Variants in GABRG3 observed in about 807,000 individuals in gnomAD.
The protein encoded by GABRG3 is gamma-aminobutyric acid type A receptor subunit gamma3.
In GABRG3, 25 loss-of-function variants were observed where a neutral mutation model predicts 48.8. The observed-to-expected ratio is 0.51, with a 90% CI of 0.37 to 0.72. GABRG3 has a LOEUF of 0.72. Among genes scored for constraint, GABRG3 ranks in the 30% least tolerant of loss-of-function variants. The pLI, the probability that GABRG3 is intolerant of heterozygous loss-of-function variation, is 0.00. For missense variants in GABRG3, 394 were observed against 577.9 expected, an observed-to-expected ratio of 0.68 and a Z score of 3.26; for synonymous variants, 227 against 217.6, an observed-to-expected ratio of 1.04 and a Z score of -0.38.
At chr15:27,054,010 C>T (rs952772135) in intron 3 of GABRG3, among the ~76,000 whole-genome samples, 7 of 152,254 alleles carry the variant, frequency 4.6e-5, no homozygotes, top group African/African-American at 1.4e-4. Flanking sequence ...GCCTCTAATC[C>T]CTGCACTTTG....
At chr15:27,466,049 T>C (rs529786532) in intron 5 of GABRG3, among the ~76,000 whole-genome samples, 1 of 152,300 alleles carries the variant, frequency 6.6e-6, no homozygotes, top group African/African-American at 2.4e-5. Flanking sequence ...AAGAAGGAGC[T>C]GAGGCTAAAC....
intron 3 of GABRG3, among the ~76,000 whole-genome samples, chr15:27,171,885 C>T (rs960136438): frequency 2.0e-5 from 3 of 152,128 alleles, no homozygotes; most frequent in African/African-American, 7.2e-5. Context: ...TAAAGAAAAG[C>T]TGTCTATTTG....
chr15:26,983,962 T>A (rs1453163369), intron 2 of GABRG3, among the ~76,000 whole-genome samples: 3 of 152,120 alleles, frequency 2.0e-5, no homozygotes, highest in African/African-American at 7.2e-5. Context: ...TGGCCCGTTT[T>A]TCCCCCGTCT....
At chr15:27,318,442 C>T (rs537665755) in intron 3 of GABRG3, among the ~76,000 whole-genome samples, 19 of 152,170 alleles carry the variant, frequency 1.2e-4, no homozygotes, top group Non-Finnish European at 1.9e-4. Context: ...TGAGTCCCAC[C>T]TCCTTCCAGT....
chr15:27,279,686 G>C (rs1213103369), intron 3 of GABRG3, among the ~76,000 whole-genome samples: 1 of 152,106 alleles, frequency 6.6e-6, no homozygotes, highest in African/African-American at 2.4e-5. Context: ...AAGTCTTATA[G>C]TCAGGTAAAG....
chr15:27,434,550 A>C (rs1038165087), intron 5 of GABRG3, among the ~76,000 whole-genome samples: 5 of 152,210 alleles, frequency 3.3e-5, no homozygotes, highest in Admixed American at 6.5e-5. Flanking sequence ...TCAAATCCAG[A>C]ATGCAGAAAT....
chr15:27,499,980 C>T (rs1890579397), intron 6 of GABRG3, among the ~76,000 whole-genome samples: 1 of 152,206 alleles, frequency 6.6e-6, no homozygotes, highest in South Asian at 2.1e-4. Context: ...GCAGAGGATG[C>T]ACAGTGTGTC....
At chr15:27,385,330 A>G (rs1264686641) in intron 5 of GABRG3, among the ~76,000 whole-genome samples, 1 of 151,448 alleles carries the variant, frequency 6.6e-6, no homozygotes, top group Non-Finnish European at 1.5e-5. Flanking sequence ...CAGTTTGACT[A>G]TCTTGTGTCT....
chr15:27,338,781 G>A (rs1238675770), intron 5 of GABRG3, among the ~76,000 whole-genome samples: 1 of 152,202 alleles, frequency 6.6e-6, no homozygotes, highest in African/African-American at 2.4e-5. Flanking sequence ...ACCAGCAAAT[G>A]TATATTTTTG....
chr15:27,332,827 G>A (rs2140522583), intron 5 of GABRG3, among the ~76,000 whole-genome samples: 1 of 152,264 alleles, frequency 6.6e-6, no homozygotes, highest in South Asian at 2.1e-4. Context: ...CAGAGATGAG[G>A]TGGTAACATT....
At chr15:27,121,122 T>G (rs1263025110) in intron 3 of GABRG3, among the ~76,000 whole-genome samples, 1 of 152,184 alleles carries the variant, frequency 6.6e-6, no homozygotes, top group South Asian at 2.1e-4. Context: ...AGGGTGGCAT[T>G]CTTACAGAGT....
Position 27,072,050 on chromosome 15 carries a change from G to A in GABRG3, c.270+45229G>A, listed in dbSNP as rs374395865. Among the ~76,000 whole-genome samples, 10 of 152,232 alleles carry A rather than the reference G, an allele frequency of 6.6e-5. 1 individual carries two copies. Among genetic ancestry groups the A allele is most frequent in the Admixed American group, 2.0e-4 (3 of 15,298 alleles). ...TTGGTTAGCTATTGCAGTTCCTACA[G>A]CCTTGATTTTCTCATCCCGCCCTTA... On this transcript the variant is annotated intron_variant, in intron 3 of 9. Transcript: ENST00000615808.
chr15:27,265,714 TCA>T (rs1890896894), intron 3 of GABRG3, among the ~76,000 whole-genome samples: 3 of 152,192 alleles, frequency 2.0e-5, no homozygotes, highest in African/African-American at 7.2e-5. Flanking sequence ...ATACTTTCTC[TCA>T]GTCTGCAGCT....
chr15:26,998,115 T>A (rs1164627806), intron 2 of GABRG3, among the ~76,000 whole-genome samples: 1 of 152,086 alleles, frequency 6.6e-6, no homozygotes, highest in Non-Finnish European at 1.5e-5. Context: ...TGATGCCCAG[T>A]GTTGACTGTG....
At chr15:27,459,299 C>T (rs2150834775) in intron 5 of GABRG3, among the ~76,000 whole-genome samples, 1 of 152,328 alleles carries the variant, frequency 6.6e-6, no homozygotes, top group East Asian at 1.9e-4. Context: ...CACATCACCG[C>T]ATGCATGGAC....
At chr15:27,346,671 T>G (rs2140532467) in intron 5 of GABRG3, among the ~76,000 whole-genome samples, 1 of 152,012 alleles carries the variant, frequency 6.6e-6, no homozygotes, top group South Asian at 2.1e-4. Context: ...GAAGTTTAAC[T>G]GACCTATTTT....
intron 3 of GABRG3, among the ~76,000 whole-genome samples, chr15:27,248,375 C>A (rs1207607376): frequency 6.6e-6 from 1 of 152,150 alleles, no homozygotes; most frequent in Non-Finnish European, 1.5e-5. Context: ...GCTGATGGGT[C>A]CACAGGGCTG....
chr15:27,056,556 T>C (rs1896551549), intron 3 of GABRG3, among the ~76,000 whole-genome samples: 1 of 152,004 alleles, frequency 6.6e-6, no homozygotes, highest in Non-Finnish European at 1.5e-5. Context: ...AGAAGTGTTG[T>C]CCAGTGTTGG....
intron 3 of GABRG3, among the ~76,000 whole-genome samples, chr15:27,307,761 A>ATTTAT (rs1415175366): frequency 4.3e-5 from 5 of 115,090 alleles, no homozygotes; most frequent in East Asian, 4.5e-4. Flanking sequence ...ATAAACATAT[A>ATTTAT]AAATAAACAT....
Sources: allele counts gnomAD v4.1 joint callset (sites outside exome capture counted in the v4.1 genomes callset), GRCh38; gene constraint gnomAD v4.1.1; transcripts MANE v1.5; gene names NCBI Gene and HGNC (gene_info 2026-07-23, HGNC 2026-07-21).